The following TBX15 variants were observed in gnomAD, a reference collection of about 807,000 sequenced individuals.
TBX15 encodes T-box transcription factor TBX15.
A neutral mutation model predicts 53.9 loss-of-function variants in TBX15; 18 were observed. That is an observed-to-expected ratio of 0.33 (90% CI 0.23 to 0.49). The LOEUF is 0.49. Ranked by LOEUF, TBX15 falls within the 20% of genes least tolerant of loss-of-function variation. The pLI is 0.98. For synonymous variants in TBX15, 295 were observed against 278.0 expected (o/e 1.06, Z -0.61); for missense variants, 692 against 749.5 (o/e 0.92, Z 0.90).
chr1:118,909,504 G>T (rs936013776), intron 6 of TBX15, among the ~76,000 whole-genome samples: 1 of 152,116 alleles, frequency 6.6e-6, no homozygotes, highest in Non-Finnish European at 1.5e-5. Context: ...GAATGAGAAA[G>T]GGATGGGGCT....
intron 1 of TBX15, among the ~76,000 whole-genome samples, chr1:118,973,866 A>C (rs1657326901): frequency 6.6e-6 from 1 of 151,950 alleles, no homozygotes; most frequent in East Asian, 1.9e-4. Flanking sequence ...TTCAGGAAGC[A>C]CCTCCTACAG....
chr1:118,941,395 T>C (rs1293329052), intron 1 of TBX15, among the ~76,000 whole-genome samples: 1 of 152,204 alleles, frequency 6.6e-6, no homozygotes. Flanking sequence ...AGAGTGCCTC[T>C]GGAGGTGGCA....
At chr1:118,936,008 C>A (rs1388002103) in intron 1 of TBX15, among the ~76,000 whole-genome samples, 2 of 152,146 alleles carry the variant, frequency 1.3e-5, no homozygotes, top group African/African-American at 4.8e-5. Context: ...TTCAACCCAG[C>A]CAAAACAGCT....
intron 1 of TBX15, among the ~76,000 whole-genome samples, chr1:118,977,735 A>G (rs1352982845): frequency 6.6e-6 from 1 of 152,232 alleles, no homozygotes; most frequent in East Asian, 1.9e-4. Context: ...TTCAGCAGCT[A>G]TGAATAGAGG....
At chr1:118,918,527 G>A (rs147900332) in intron 5 of TBX15, among the ~76,000 whole-genome samples, 6 of 152,224 alleles carry the variant, frequency 3.9e-5, no homozygotes, top group Non-Finnish European at 5.9e-5. Flanking sequence ...TCTCCTGTGC[G>A]ACTAAAACAA....
intron 2 of TBX15, among the ~76,000 whole-genome samples, chr1:118,929,042 T>C (rs1024880535): frequency 6.6e-6 from 1 of 152,250 alleles, no homozygotes; most frequent in African/African-American, 2.4e-5. Flanking sequence ...AAAGAAAAGT[T>C]AACCTTTCAT....
At chr1:118,922,825 C>G (rs184156662) in intron 5 of TBX15, among the ~76,000 whole-genome samples, 1 of 152,286 alleles carries the variant, frequency 6.6e-6, no homozygotes, top group East Asian at 1.9e-4. Flanking sequence ...CTCTCCTAGT[C>G]TCTGTAACTG....
intron 1 of TBX15, among the ~76,000 whole-genome samples, chr1:118,964,194 A>C (rs1453534425): frequency 6.6e-6 from 1 of 152,248 alleles, no homozygotes; most frequent in Non-Finnish European, 1.5e-5. Context: ...GTATATATTA[A>C]GCCACTAAGA....
chr1:118,967,231 A>G (rs948251024), intron 1 of TBX15, among the ~76,000 whole-genome samples: 4 of 152,212 alleles, frequency 2.6e-5, no homozygotes, highest in Non-Finnish European at 2.9e-5. Context: ...AGACACCTAC[A>G]TTATTGACCT....
At chr1:118,983,712 G>T (rs1289498997) in intron 1 of TBX15, among the ~76,000 whole-genome samples, 1 of 152,206 alleles carries the variant, frequency 6.6e-6, no homozygotes, top group African/African-American at 2.4e-5. Context: ...CAGTGCAGGG[G>T]CGTGCACGGC....
At chr1:118,915,909 A>G (rs1655204169) in intron 5 of TBX15, among the ~76,000 whole-genome samples, 1 of 152,220 alleles carries the variant, frequency 6.6e-6, no homozygotes, top group Non-Finnish European at 1.5e-5. Context: ...CCCACAGCTC[A>G]TTGGATCCCA....
chr1:118,956,788 T>TA (rs11360379), intron 1 of TBX15, among the ~76,000 whole-genome samples: 1,853 of 146,992 alleles, frequency 0.013, 34 homozygotes, highest in African/African-American at 0.041. Flanking sequence ...CCGTTTCTAC[T>TA]AAAAAAAAAA....
chr1:118,951,426 G>T (rs1051496863), intron 1 of TBX15, among the ~76,000 whole-genome samples: 1 of 152,220 alleles, frequency 6.6e-6, no homozygotes, highest in Admixed American at 6.5e-5. Context: ...CGCAGCTGGA[G>T]AAAGTCCAGT....
At chr1:118,921,458 A>G (rs534050406) in intron 5 of TBX15, among the ~76,000 whole-genome samples, 1 of 152,222 alleles carries the variant, frequency 6.6e-6, no homozygotes, top group Non-Finnish European at 1.5e-5. Flanking sequence ...AAAAAGAAGG[A>G]TAAATTAGAA....
chr1:118,893,136 G>T (rs780218355), intron 7 of TBX15, among the ~76,000 whole-genome samples: 7 of 151,798 alleles, frequency 4.6e-5, no homozygotes, highest in Non-Finnish European at 8.8e-5. Context: ...CTACTCAGGA[G>T]GCTGAGGCAG....
chr1:118,957,172 TG>T (rs1656720713), intron 1 of TBX15, among the ~76,000 whole-genome samples: 1 of 152,212 alleles, frequency 6.6e-6, no homozygotes, highest in Non-Finnish European at 1.5e-5. Flanking sequence ...TTCAAACTAT[TG>T]TTGAACAATG....
In TBX15 at chr1:118,885,473, T is replaced by C. The variant is rs754324911; in HGVS notation, c.1068A>G (p.Thr356=). The C allele has an allele frequency of 5.7e-5, 92 of 1,605,336 alleles. No homozygotes were observed. The highest frequency in any genetic ancestry group is 3.0e-4 in the Admixed American group (18 of 59,020). ...GATGAGAAGAAGCCGAAGGGGATGG[T>C]GTCCCAGTGCTGGAGGTGGTTGGGG... The part of the protein sequence containing the change: ...GTSPTTSSTG[T]PSPSASSHLL... The change falls in exon 8 of 8, where the codon ACA becomes ACG. Residue 356 remains threonine (T), a synonymous_variant. Transcript: ENST00000369429.
chr1:118,952,599 G>A (rs902363824), intron 1 of TBX15, among the ~76,000 whole-genome samples: 3 of 152,022 alleles, frequency 2.0e-5, no homozygotes, highest in African/African-American at 2.4e-5. Flanking sequence ...ATCAGTTCCC[G>A]ATGTCTAATC....
At chr1:118,976,261 T>C (rs1042750774) in intron 1 of TBX15, among the ~76,000 whole-genome samples, 3 of 152,144 alleles carry the variant, frequency 2.0e-5, no homozygotes, top group African/African-American at 7.2e-5. Context: ...AGCTCAGTTA[T>C]AGGTTTTCTT....
Sources: allele counts gnomAD v4.1 joint callset (sites outside exome capture counted in the v4.1 genomes callset), GRCh38; gene constraint gnomAD v4.1.1; transcripts MANE v1.5; gene names NCBI Gene and HGNC (gene_info 2026-07-23, HGNC 2026-07-21).